DSCAM: variants seen among roughly 807,000 people sequenced by gnomAD.
The protein encoded by DSCAM is DS cell adhesion molecule.
Under a neutral mutation model 217.7 loss-of-function variants are expected in DSCAM, and 47 were observed. That is an observed-to-expected ratio of 0.22 (90% confidence interval 0.17 to 0.28). The LOEUF is 0.28. Among genes scored for constraint, DSCAM ranks in the 10% least tolerant of loss-of-function variants. The pLI is 1.00. For missense variants in DSCAM, 2,080 were observed against 2,618.3 expected (o/e 0.79, Z 4.49); for synonymous variants, 1,056 against 1,015.3 (o/e 1.04, Z -0.76).
At position 40,012,860 on chromosome 21, in the gene DSCAM, A is replaced by T. The variant is rs2088082232; in HGVS notation, c.*174T>A. ...CGGATGGAGCTCACACTCAGACAGA[A>T]AAAAAGCAGGAGAGTCTTTGCACTG... On this transcript the variant is annotated 3_prime_UTR_variant, in exon 33 of 33. Transcript: ENST00000400454. 2.1e-6 allele frequency: 1 copy of T among 477,592 alleles called. No individual in the cohort carries two copies. Among genetic ancestry groups the T allele is most frequent in the African/African-American group, 2.0e-5 (1 of 49,856 alleles). The allele number at this position is 477,592 out of a possible 1,614,324, so 29.6% of individuals were successfully genotyped here. A position where few individuals can be genotyped will look rare whatever the true frequency, so the allele number is the denominator to read the frequency against.
intron 20 of DSCAM, among the ~76,000 whole-genome samples, chr21:40,117,978 C>T (rs1020593863): frequency 2.6e-5 from 4 of 152,128 alleles, no homozygotes; most frequent in Non-Finnish European, 5.9e-5. Context: ...CACATACACA[C>T]ACGTGCACAA....
chr21:40,128,134 T>A (rs1405716785), intron 19 of DSCAM, among the ~76,000 whole-genome samples: 1 of 150,932 alleles, frequency 6.6e-6, no homozygotes, highest in Non-Finnish European at 1.5e-5. Context: ...TCAGGGGTGA[T>A]CTATCAACGT....
intron 28 of DSCAM, among the ~76,000 whole-genome samples, chr21:40,056,746 T>C (rs1568917150): frequency 6.6e-6 from 1 of 152,216 alleles, no homozygotes; most frequent in Non-Finnish European, 1.5e-5. Flanking sequence ...ATGGCATCCA[T>C]CAATCCAGCT....
At chr21:40,453,332 G>C (rs1413955107) in intron 3 of DSCAM, among the ~76,000 whole-genome samples, 3 of 152,056 alleles carry the variant, frequency 2.0e-5, no homozygotes, top group Non-Finnish European at 4.4e-5. Context: ...TATTGTCCTA[G>C]CATGACATAA....
chr21:40,401,925 A>G (rs978690426), intron 3 of DSCAM, among the ~76,000 whole-genome samples: 2 of 151,878 alleles, frequency 1.3e-5, no homozygotes, highest in African/African-American at 4.8e-5. Flanking sequence ...TTTACACCCA[A>G]CTGAGCAGAG....
intron 1 of DSCAM, among the ~76,000 whole-genome samples, chr21:40,720,665 G>T (rs2090891691): frequency 6.7e-6 from 1 of 150,204 alleles, no homozygotes; most frequent in Non-Finnish European, 1.5e-5. Context: ...TAAAGTTTCA[G>T]ACAGTACAGA....
chr21:40,343,676 A>C (rs2074523964), intron 6 of DSCAM, among the ~76,000 whole-genome samples: 2 of 152,034 alleles, frequency 1.3e-5, no homozygotes, highest in Admixed American at 1.3e-4. Context: ...TATGTATATC[A>C]ATGTGTGTGT....
chr21:40,429,847 G>A (rs1029500023), intron 3 of DSCAM, among the ~76,000 whole-genome samples: 9 of 152,214 alleles, frequency 5.9e-5, no homozygotes, highest in Middle Eastern at 3.4e-3. Flanking sequence ...TATGCTGGGC[G>A]CTATTCCAGA....
chr21:40,833,243 C>T (rs2092026723), intron 1 of DSCAM, among the ~76,000 whole-genome samples: 1 of 152,260 alleles, frequency 6.6e-6, no homozygotes, highest in African/African-American at 2.4e-5. Context: ...ATCATTAGTG[C>T]TTTCTAGCTA....
chr21:40,716,392 G>T (rs1454801953), intron 1 of DSCAM, among the ~76,000 whole-genome samples: 2 of 152,180 alleles, frequency 1.3e-5, no homozygotes, highest in Non-Finnish European at 2.9e-5. Flanking sequence ...GTGTGTGTGT[G>T]TGTGTGTGAA....
At chr21:40,089,037 C>T (rs914971556) in intron 21 of DSCAM, among the ~76,000 whole-genome samples, 5 of 152,188 alleles carry the variant, frequency 3.3e-5, no homozygotes, top group Non-Finnish European at 7.3e-5. Context: ...CATTGTTGTT[C>T]TTTAACATTC....
intron 1 of DSCAM, among the ~76,000 whole-genome samples, chr21:40,722,033 TAA>T (rs563857844): frequency 6.6e-6 from 1 of 151,648 alleles, no homozygotes; most frequent in South Asian, 2.1e-4. Flanking sequence ...AGCATTTTTT[TAA>T]AAAAAAGACA....
chr21:40,188,712 A>G (rs1940395675), intron 12 of DSCAM, among the ~76,000 whole-genome samples: 1 of 152,128 alleles, frequency 6.6e-6, no homozygotes, highest in Non-Finnish European at 1.5e-5. Context: ...TTTTTGCAGG[A>G]AGTTAAAACA....
At chr21:40,260,785 T>G (rs533725576) in intron 11 of DSCAM, among the ~76,000 whole-genome samples, 1 of 152,294 alleles carries the variant, frequency 6.6e-6, no homozygotes, top group African/African-American at 2.4e-5. Flanking sequence ...TCTTCTTAAT[T>G]AAGTCTAAAC....
intron 1 of DSCAM, among the ~76,000 whole-genome samples, chr21:40,785,164 C>G (rs2091581885): frequency 6.6e-6 from 1 of 152,190 alleles, no homozygotes; most frequent in African/African-American, 2.4e-5. Context: ...CATAAACTAT[C>G]TTTGGTGAGA....
At chr21:40,620,956 T>G (rs1221761626) in intron 3 of DSCAM, among the ~76,000 whole-genome samples, 1 of 152,076 alleles carries the variant, frequency 6.6e-6, no homozygotes, top group Non-Finnish European at 1.5e-5. Context: ...CTCAGATGCA[T>G]TATAAGTGAA....
At chr21:40,721,196 A>G (rs1339394740) in intron 1 of DSCAM, among the ~76,000 whole-genome samples, 1 of 152,152 alleles carries the variant, frequency 6.6e-6, no homozygotes, top group Admixed American at 6.5e-5. Context: ...TGAACTGCAC[A>G]ACAAAAAACT....
chr21:40,249,063 C>T (rs1333092360), intron 11 of DSCAM, among the ~76,000 whole-genome samples: 1 of 152,192 alleles, frequency 6.6e-6, no homozygotes, highest in Non-Finnish European at 1.5e-5. Flanking sequence ...CCTCCCACAG[C>T]ACATGGAAAT....
At chr21:40,569,627 C>A (rs563603895) in intron 3 of DSCAM, among the ~76,000 whole-genome samples, 1 of 152,286 alleles carries the variant, frequency 6.6e-6, no homozygotes, top group Non-Finnish European at 1.5e-5. Context: ...ACACTTCAAG[C>A]GCTTCCTCTT....
Sources: allele counts gnomAD v4.1 joint callset (sites outside exome capture counted in the v4.1 genomes callset), GRCh38; gene constraint gnomAD v4.1.1; transcripts MANE v1.5; gene names NCBI Gene and HGNC (gene_info 2026-07-23, HGNC 2026-07-21).